Variants in LRRFIP2 observed in about 807,000 individuals in gnomAD.
The protein encoded by LRRFIP2 is leucine-rich repeat flightless-interacting protein 2.
In LRRFIP2, 109 loss-of-function variants were observed where a neutral mutation model predicts 125.9. The ratio of observed to expected loss-of-function variants is 0.87; its 90% CI spans 0.74 to 1.01. LRRFIP2 has a LOEUF of 1.01. Ranked by LOEUF, LRRFIP2 falls within the 50% of genes least tolerant of loss-of-function variation. LRRFIP2 has a pLI of 0.00. For missense variants in LRRFIP2, 850 were observed against 862.3 expected, an observed-to-expected ratio of 0.99 and a Z score of 0.18; for synonymous variants, 291 against 293.1, an observed-to-expected ratio of 0.99 and a Z score of 0.07.
intron 4 of LRRFIP2, among the ~76,000 whole-genome samples, chr3:37,122,737 T>C (rs956996313): frequency 1.8e-4 from 27 of 152,164 alleles, no homozygotes; most frequent in African/African-American, 6.0e-4. Context: ...TCTCGAATAA[T>C]GCCATAAGCA....
chr3:37,053,867 A>G lies in LRRFIP2; in HGVS notation c.2150T>C (p.Leu717Pro). The change falls in exon 28 of 28, where the codon CTT (leucine) becomes CCT (proline). Residue 717 changes from leucine (L) to proline (P), a missense_variant. Physicochemically the swap from Leu to Pro is moderately conservative, Grantham distance 98. Transcript: ENST00000336686. ...GTGGTTTTCCTACTGCTGGGCCAGA[A>G]GTGCTGTCCTATTGGCCTTCATCTT... ...LEKMKANRTA[L>P]LAQQ 2.3e-5 allele frequency: 37 copies of G among 1,613,810 alleles called. No individual in the cohort carries two copies. Among genetic ancestry groups the G allele is most frequent in the Non-Finnish European group, 3.1e-5 (37 of 1,179,676 alleles).
intron 20 of LRRFIP2, among the ~76,000 whole-genome samples, chr3:37,074,088 C>T (rs1167354674): frequency 6.6e-5 from 10 of 152,052 alleles, no homozygotes; most frequent in Non-Finnish European, 1.5e-4. Flanking sequence ...AAAATTAACA[C>T]GTCTTCAAAT....
intron 18 of LRRFIP2, among the ~76,000 whole-genome samples, chr3:37,085,874 G>A (rs767134019): frequency 3.3e-5 from 5 of 152,054 alleles, no homozygotes; most frequent in Non-Finnish European, 5.9e-5. Context: ...GAGCCACTGC[G>A]CCTGGCCCAA....
intron 2 of LRRFIP2, among the ~76,000 whole-genome samples, chr3:37,147,018 A>G (rs1234852540): frequency 1.3e-5 from 2 of 152,128 alleles, no homozygotes; most frequent in Admixed American, 1.3e-4. Flanking sequence ...GAAATTTACA[A>G]GAAAAAAAAA....
intron 2 of LRRFIP2, among the ~76,000 whole-genome samples, chr3:37,138,072 T>C (rs73827213): frequency 6.3e-4 from 96 of 152,346 alleles, no homozygotes; most frequent in African/African-American, 2.0e-3. Context: ...TCCCCATCCG[T>C]ACTATTCCAT....
chr3:37,102,287 T>C (rs2094103725), intron 15 of LRRFIP2, among the ~76,000 whole-genome samples: 1 of 152,016 alleles, frequency 6.6e-6, no homozygotes, highest in Non-Finnish European at 1.5e-5. Flanking sequence ...GGGATTTGCT[T>C]TAGAATAACT....
chr3:37,131,435 TA>T lies in LRRFIP2; in HGVS notation c.91-2287del, dbSNP rs201340919. Among the ~76,000 whole-genome samples, 6 of 150,874 alleles carry T rather than the reference TA, an allele frequency of 4.0e-5. No individual in the cohort carries two copies. In the South Asian group the frequency reaches 6.3e-4, roughly 16 times the overall value. Reference sequence around the variant, plus strand: ...ACAACTTTTATGCCTCAAGGTCTGCTAAAAAAAAACAAATGAATTGCAGGGC... The same window carrying T: ...ACAACTTTTATGCCTCAAGGTCTGCTAAAAAAAACAAATGAATTGCAGGGC... On this transcript the variant is annotated intron_variant, in intron 2 of 27. Coordinates refer to ENST00000336686, the MANE Select transcript of LRRFIP2 (RefSeq NM_006309.4).
intron 21 of LRRFIP2, chr3:37,066,559 C>G: frequency 2.2e-6 from 1 of 462,116 alleles, no homozygotes; most frequent in East Asian, 3.8e-5. Flanking sequence ...TTTGGCAAAA[C>G]ATGTTTAATC....
At chr3:37,145,431 GA>G (rs1202090421) in intron 2 of LRRFIP2, among the ~76,000 whole-genome samples, 16 of 152,084 alleles carry the variant, frequency 1.1e-4, no homozygotes, top group Middle Eastern at 3.4e-3. Flanking sequence ...GTGAGAGGGG[GA>G]AAAAAAGGTG....
intron 2 of LRRFIP2, among the ~76,000 whole-genome samples, chr3:37,147,168 C>T (rs1166206698): frequency 3.3e-5 from 5 of 152,120 alleles, no homozygotes; most frequent in African/African-American, 9.7e-5. Context: ...AACCATCTCA[C>T]GCCAGTCAGA....
intron 7 of LRRFIP2, among the ~76,000 whole-genome samples, chr3:37,114,033 G>A (rs1028377682): frequency 1.3e-5 from 2 of 152,002 alleles, no homozygotes; most frequent in African/African-American, 4.8e-5. Context: ...AAGAGCCAAA[G>A]GCAACAGACT....
chr3:37,053,921 G>T lies in LRRFIP2; in HGVS notation c.2096C>A (p.Thr699Asn). ...CAGCCGCTTGGCCAGGTGGCTGTTG[G>T]TCATCTCCATCTCCTCAATCTTGTC... ...ALDKIEEMEM[T>N]NSHLAKRLEK... is the part of the protein sequence containing the mutation. The change falls in exon 28 of 28, where the codon ACC (threonine) becomes AAC (asparagine). Residue 699 changes from threonine to asparagine, a missense_variant. Thr to Asn is a moderately conservative substitution (Grantham distance 65, BLOSUM62 0). Transcript: ENST00000336686. The T allele has an allele frequency of 6.2e-7, 1 of 1,614,014 alleles. No individual in the cohort carries two copies. Among genetic ancestry groups the T allele is most frequent in the Non-Finnish European group, 8.5e-7 (1 of 1,179,880 alleles).
chr3:37,062,205 A>T (rs1413982377), intron 24 of LRRFIP2, among the ~76,000 whole-genome samples: 12 of 152,294 alleles, frequency 7.9e-5, no homozygotes, highest in African/African-American at 2.9e-4. Context: ...CATTCACACA[A>T]ACCTTCTAAC....
At chr3:37,162,172 A>G (rs2096365051) in intron 1 of LRRFIP2, among the ~76,000 whole-genome samples, 1 of 150,796 alleles carries the variant, frequency 6.6e-6, no homozygotes, top group Non-Finnish European at 1.5e-5. Flanking sequence ...AAAAAAAAAA[A>G]AAAAAGAAGA....
At chr3:37,120,084 C>A (rs1389500842) in intron 6 of LRRFIP2, among the ~76,000 whole-genome samples, 1 of 148,646 alleles carries the variant, frequency 6.7e-6, no homozygotes, top group African/African-American at 2.5e-5. Flanking sequence ...TCTTAGATTT[C>A]TGTAAAGATC....
At chr3:37,144,831 T>G (rs1186270807) in intron 2 of LRRFIP2, among the ~76,000 whole-genome samples, 1 of 152,184 alleles carries the variant, frequency 6.6e-6, no homozygotes, top group Non-Finnish European at 1.5e-5. Flanking sequence ...AAAAGAGAGA[T>G]AATGTACAAT....
At chr3:37,131,400 C>T (rs1039110152) in intron 2 of LRRFIP2, among the ~76,000 whole-genome samples, 8 of 152,096 alleles carry the variant, frequency 5.3e-5, no homozygotes, top group African/African-American at 1.9e-4. Flanking sequence ...TTCCATGCTT[C>T]TCTCACCCCA....
chr3:37,060,051 G>T lies in LRRFIP2; in HGVS notation c.1750-1141C>A, dbSNP rs1470320421. On this transcript the variant is annotated intron_variant, in intron 24 of 27. Coordinates refer to ENST00000336686, the MANE Select transcript of LRRFIP2 (RefSeq NM_006309.4). The surrounding 1 kb of genome is among the most constrained non-coding windows in gnomAD (Gnocchi z 4.1). ...CAGTATCTCCATCATTCCTATTTAT[G>T]TGCATCTCACAAAGGGTCATATCCT... Among the ~76,000 whole-genome samples the T allele has an allele frequency of 6.6e-6, 1 of 152,122 alleles. No individual in the cohort carries two copies. Among genetic ancestry groups the T allele is most frequent in the Admixed American group, 6.6e-5 (1 of 15,264 alleles).
chr3:37,097,456 CT>C (rs1460356840), intron 15 of LRRFIP2, among the ~76,000 whole-genome samples: 1 of 152,150 alleles, frequency 6.6e-6, no homozygotes. Flanking sequence ...ATTGTCTGCT[CT>C]CTTTCTATAA....
Sources: gnomAD v4.1 joint callset for allele counts (sites outside exome capture counted in the v4.1 genomes callset) on GRCh38, gnomAD v4.1.1 for gene constraint, Gnocchi (gnomAD v3.1) non-coding constraint, MANE v1.5 for transcripts, NCBI Gene and HGNC (gene_info 2026-07-23, HGNC 2026-07-21) for gene names.